The following ABCC12 variants were observed in gnomAD, a reference collection of about 807,000 sequenced individuals.
ABCC12 encodes the protein ATP binding cassette subfamily C member 12.
ABCC12 carries 142 observed loss-of-function variants against 151.1 expected under a neutral mutation model. That is an observed-to-expected ratio of 0.94 (90% CI 0.82 to 1.08). The LOEUF (loss-of-function observed/expected upper bound fraction) is 1.08. ABCC12 is among the 50% of genes least tolerant of loss of function. The pLI, the probability that ABCC12 is intolerant of heterozygous loss-of-function variation, is 0.00. For synonymous variants in ABCC12, 645 were observed against 646.4 expected (o/e 1.00, Z 0.03); for missense variants, 1,638 against 1,691.1 (o/e 0.97, Z 0.55).
In ABCC12 at chr16:48,096,920, T is replaced by C; in HGVS notation, c.3039-18A>G. ...GGAGGTGACTGGAGTTTTCGTCGTT[T>C]AGCGTCTTAAACCTACAGTCAAGAA... On this transcript the variant is annotated intron_variant, in intron 23 of 30. Transcript: ENST00000311303. The C allele has an allele frequency of 1.9e-6, 3 of 1,614,064 alleles. No homozygotes were observed. Among genetic ancestry groups the C allele is most frequent in the African/African-American group, 1.3e-5 (1 of 75,038 alleles).
chr16:48,136,978 A>C (rs1169074627), intron 8 of ABCC12, among the ~76,000 whole-genome samples: 1 of 152,240 alleles, frequency 6.6e-6, no homozygotes, highest in Non-Finnish European at 1.5e-5. Flanking sequence ...CAAAGACCTA[A>C]CTTTGAATAA....
chr16:48,083,523 AC>A lies in ABCC12; in HGVS notation c.*191del. 4 of 664,206 alleles carry A rather than the reference AC, an allele frequency of 6.0e-6. No homozygotes were observed. In the South Asian group the frequency reaches 8.2e-5, roughly 14 times the overall value. The allele number at this position is 664,206 out of a possible 1,614,324, so 41.1% of individuals were successfully genotyped here. A position where few individuals can be genotyped will look rare whatever the true frequency, so the allele number is the denominator to read the frequency against. On this transcript the variant is annotated 3_prime_UTR_variant, in exon 31 of 31. Coordinates refer to ENST00000311303, the MANE Select transcript of ABCC12 (RefSeq NM_001393797.1). ...TGCCCCGGTTCACCACCCAGAACCAACCCCAAGCCCACCAAGTGGGGTGACA... is the reference window on the plus strand; with the variant it reads ...TGCCCCGGTTCACCACCCAGAACCAACCCAAGCCCACCAAGTGGGGTGACA...
At chr16:48,131,000 A>G (rs971955899) in intron 9 of ABCC12, 105 bp from the exon 10 acceptor site, 5 of 749,404 alleles carry the variant, frequency 6.7e-6, no homozygotes, top group Non-Finnish European at 1.1e-5. Flanking sequence ...AAATGGTGGC[A>G]TCGTTGGAAT....
rs573322969 is a variant in ABCC12 at position 48,081,379 on chromosome 16, C to G, written c.*2336G>C. ...TTCGTGTCTTATACATGCAAACAGC[C>G]AAACCCTCAGAAGTCACTCTCCCCC... On this transcript the variant is annotated 3_prime_UTR_variant, in exon 31 of 31. Transcript: ENST00000311303. Among the ~76,000 whole-genome samples, 1 of 152,098 alleles carries G rather than the reference C, an allele frequency of 6.6e-6. No individual in the cohort carries two copies. Among genetic ancestry groups the G allele is most frequent in the Non-Finnish European group, 1.5e-5 (1 of 68,012 alleles).
In ABCC12 at chr16:48,101,029, G is replaced by C. The variant is rs755392633; in HGVS notation, c.2901-20C>G. ...AAAATGCTGGAAGAAAATTGAAAGG[G>C]GCCAGGTGGGCCACAAAGTGAGGTC... On this transcript the variant is annotated intron_variant, in intron 22 of 30. Transcript: ENST00000311303. 9.9e-6 allele frequency: 16 copies of C among 1,611,584 alleles called. No individual in the cohort carries two copies. The highest frequency in any genetic ancestry group is 1.2e-5 in the Non-Finnish European group (14 of 1,178,822).
chr16:48,152,719 C>T (rs987432066), intron 2 of ABCC12, among the ~76,000 whole-genome samples: 4 of 152,232 alleles, frequency 2.6e-5, no homozygotes, highest in African/African-American at 9.6e-5. Flanking sequence ...CTTCTCAAGA[C>T]GGCCCGCATG....
At chr16:48,086,041 T>C (rs1386954478) in intron 28 of ABCC12, among the ~76,000 whole-genome samples, 1 of 151,868 alleles carries the variant, frequency 6.6e-6, no homozygotes, top group Non-Finnish European at 1.5e-5. Context: ...CAAATAGAGA[T>C]GGGATGGGAG....
intron 12 of ABCC12, among the ~76,000 whole-genome samples, chr16:48,122,534 G>T (rs960031758): frequency 7.2e-5 from 11 of 152,124 alleles, no homozygotes; most frequent in Non-Finnish European, 2.9e-5. Flanking sequence ...TAGACAGCGG[G>T]GATGCAACGT....
rs573644337 is a variant in ABCC12 at position 48,097,519 on chromosome 16, C to T, written c.3039-617G>A. On this transcript the variant is annotated intron_variant, in intron 23 of 30. Coordinates refer to ENST00000311303, the MANE Select transcript of ABCC12 (RefSeq NM_001393797.1). ...ACCTTGCATCCCTGCTGCACGTCCA[C>T]GGAGCCAAAGGGCTTGGAGAGGGGG... 7.9e-5 allele frequency among the ~76,000 whole-genome samples: 12 copies of T among 152,232 alleles called. No individual in the cohort carries two copies. The South Asian group carries it at 1.2e-3, about 16-fold the overall frequency.
chr16:48,108,579 C>T, intron 18 of ABCC12, 50 bp from the exon 19 acceptor site: 2 of 1,539,776 alleles, frequency 1.3e-6, no homozygotes, highest in African/African-American at 2.7e-5. Flanking sequence ...GGGTGGGGGC[C>T]CAGCGAGGTA....
At chr16:48,126,873 A>G (rs1192400021) in intron 11 of ABCC12, among the ~76,000 whole-genome samples, 1 of 152,238 alleles carries the variant, frequency 6.6e-6, no homozygotes, top group Non-Finnish European at 1.5e-5. Flanking sequence ...AGTCACCGAC[A>G]TATGGAATAG....
At chr16:48,137,478 G>T (rs1438802241) in intron 8 of ABCC12, among the ~76,000 whole-genome samples, 4 of 152,160 alleles carry the variant, frequency 2.6e-5, no homozygotes, top group African/African-American at 9.7e-5. Context: ...TTCAAAGAGG[G>T]TCCCCTAGTG....
chr16:48,087,969 T>C lies in ABCC12; in HGVS notation c.3592A>G (p.Thr1198Ala). 1 of 1,614,142 alleles carries C rather than the reference T, an allele frequency of 6.2e-7. No individual in the cohort carries two copies. The part of the protein sequence containing the change: ...LSLEDLRTKL[T>A]VIPQDPVLFV... The stretch of plus-strand genomic sequence containing the variant: ...AGGACAGGATCCTGTGGGATCACAG[T>C]CAGCTTGGTTCTGAGGTCTTCCAAG... Residue 1198 changes from threonine to alanine, a missense_variant, in exon 27 of 31, where the codon ACT (threonine) becomes GCT (alanine). By Grantham distance (58) the Thr-to-Ala change is moderately conservative. Coordinates refer to ENST00000311303, the MANE Select transcript of ABCC12 (RefSeq NM_001393797.1).
intron 21 of ABCC12, among the ~76,000 whole-genome samples, chr16:48,104,586 G>A (rs1271677462): frequency 1.3e-5 from 2 of 152,284 alleles, no homozygotes; most frequent in Admixed American, 6.5e-5. Context: ...TGGAAGTCCC[G>A]AGAGACCCCC....
intron 22 of ABCC12, among the ~76,000 whole-genome samples, chr16:48,103,644 A>G (rs59311846): frequency 0.084 from 12,852 of 152,146 alleles, 1,842 homozygotes; most frequent in African/African-American, 0.29. Flanking sequence ...GCTACCTGCT[A>G]GGAACCCCAG....
intron 27 of ABCC12, 145 bp from the exon 28 acceptor site, chr16:48,086,964 A>AC: frequency 4.3e-6 from 3 of 695,522 alleles, no homozygotes; most frequent in Non-Finnish European, 5.1e-6. Context: ...TCAGTACAGG[A>AC]CAGTGGTCCA....
At position 48,088,697 on chromosome 16, in the gene ABCC12, C is replaced by G; in HGVS notation, c.3323G>C (p.Gly1108Ala). The G allele has an allele frequency of 6.2e-7, 1 of 1,613,978 alleles. No individual in the cohort carries two copies. The highest frequency in any genetic ancestry group is 8.5e-7 in the Non-Finnish European group (1 of 1,179,954). Residue 1108 changes from glycine to alanine, a missense_variant, in exon 26 of 31, where the codon GGG (glycine) becomes GCG (alanine). Gly to Ala is a moderately conservative substitution (Grantham distance 60, BLOSUM62 0). Transcript: ENST00000311303. Reference protein sequence around the residue: ...VPECTHPLKVGTCPKDWPSRG... With the variant: ...VPECTHPLKVATCPKDWPSRG... ...GCTGGGCCAGTCCTTGGGACAGGTC[C>G]CCACTTTGAGGGGATGAGTGCATTC...
At chr16:48,086,713 C>T (rs754702051) in intron 28 of ABCC12, 28 bp downstream of exon 28, 2 of 1,591,970 alleles carry the variant, frequency 1.3e-6, no homozygotes, top group Non-Finnish European at 8.6e-7. Context: ...GGGAAACAAA[C>T]TCCTCCTCAA....
intron 2 of ABCC12, among the ~76,000 whole-genome samples, chr16:48,147,165 C>T (rs1385263332): frequency 3.3e-5 from 5 of 152,170 alleles, no homozygotes; most frequent in African/African-American, 1.2e-4. Flanking sequence ...AAACCAACAA[C>T]CCAGGTGGAG....
Sources: allele counts gnomAD v4.1 joint callset (sites outside exome capture counted in the v4.1 genomes callset), GRCh38; gene constraint gnomAD v4.1.1; transcripts MANE v1.5; gene names NCBI Gene and HGNC (gene_info 2026-07-23, HGNC 2026-07-21).